CACNG2: variants seen among roughly 807,000 people sequenced by gnomAD.
CACNG2 encodes calcium voltage-gated channel auxiliary subunit gamma 2.
CACNG2 carries 3 observed loss-of-function variants against 25.9 expected under a neutral mutation model. The observed-to-expected ratio is 0.12, with a 90% CI of 0.05 to 0.30. The LOEUF is 0.30. Among genes scored for constraint, CACNG2 ranks in the 10% least tolerant of loss-of-function variants. The pLI, the probability that CACNG2 is intolerant of heterozygous loss-of-function variation, is 1.00. For missense variants in CACNG2, 341 were observed against 432.5 expected (o/e 0.79, Z 1.88); for synonymous variants, 167 against 173.3 (o/e 0.96, Z 0.29).
chr22:36,636,912 A>T (rs933444017), intron 1 of CACNG2, among the ~76,000 whole-genome samples: 1 of 152,240 alleles, frequency 6.6e-6, no homozygotes, highest in Non-Finnish European at 1.5e-5. Context: ...GAATCTGACC[A>T]GTTAAAAGTG....
intron 1 of CACNG2, among the ~76,000 whole-genome samples, chr22:36,610,888 G>C (rs1935930164): frequency 6.6e-6 from 1 of 152,196 alleles, no homozygotes; most frequent in African/African-American, 2.4e-5. Flanking sequence ...AGTGGGCACG[G>C]GGAAGACCCC....
chr22:36,662,569 C>G (rs1936814665), intron 1 of CACNG2, among the ~76,000 whole-genome samples: 1 of 152,204 alleles, frequency 6.6e-6, no homozygotes. Flanking sequence ...TTCTCTGTGC[C>G]TGACTCAGCT....
chr22:36,603,060 A>T (rs1439523553), intron 1 of CACNG2, among the ~76,000 whole-genome samples: 2 of 152,284 alleles, frequency 1.3e-5, no homozygotes, highest in African/African-American at 4.8e-5. Context: ...AGGCCTCTTA[A>T]GTCAAACAGT....
At chr22:36,693,722 G>A (rs1270699645) in intron 1 of CACNG2, among the ~76,000 whole-genome samples, 3 of 152,120 alleles carry the variant, frequency 2.0e-5, no homozygotes, top group Non-Finnish European at 4.4e-5. Context: ...ATGGGCATCT[G>A]TTTCTGCACA....
intron 1 of CACNG2, among the ~76,000 whole-genome samples, chr22:36,678,193 G>T: frequency 6.6e-6 from 1 of 152,296 alleles, no homozygotes; most frequent in Middle Eastern, 3.4e-3. Flanking sequence ...CTTCCCAAAC[G>T]CCAATTTGTG....
chr22:36,581,739 G>T (rs1042284839), intron 2 of CACNG2, among the ~76,000 whole-genome samples: 1 of 152,094 alleles, frequency 6.6e-6, no homozygotes, highest in Non-Finnish European at 1.5e-5. Context: ...CCACTCCCTC[G>T]GTGAGTTCAT....
chr22:36,608,638 G>T (rs1179556185), intron 1 of CACNG2, among the ~76,000 whole-genome samples: 1 of 152,024 alleles, frequency 6.6e-6, no homozygotes, highest in East Asian at 1.9e-4. Context: ...TTTTAATAGG[G>T]ACTCAGGACT....
intron 1 of CACNG2, among the ~76,000 whole-genome samples, chr22:36,631,737 C>CTTTTTATTT (rs1936274924): frequency 8.7e-6 from 1 of 115,390 alleles, no homozygotes. Flanking sequence ...GTGAGCAACT[C>CTTTTTATTT]TTTTTTTTTT....
At position 36,648,346 on chromosome 22, in the gene CACNG2, C is replaced by T. The variant is rs763037403; in HGVS notation, c.211+54020G>A. Among the ~76,000 whole-genome samples the T allele has an allele frequency of 2.6e-5, 4 of 152,228 alleles. No individual in the cohort carries two copies. The South Asian group carries it at 8.3e-4, about 32-fold the overall frequency. On this transcript the variant is annotated intron_variant, in intron 1 of 3. Transcript: ENST00000300105. ...CAGAAAGAGTAATATCGTATACTGC[C>T]AATTCTTTATCAGTGAAATCACCCA...
chr22:36,609,390 A>G, intron 1 of CACNG2, among the ~76,000 whole-genome samples: 1 of 86,688 alleles, frequency 1.2e-5, no homozygotes, highest in Non-Finnish European at 2.5e-5. Flanking sequence ...GGCAGGAATC[A>G]GCCCCCCAGA....
chr22:36,589,532 G>A (rs1265878759), intron 1 of CACNG2, among the ~76,000 whole-genome samples: 1 of 152,172 alleles, frequency 6.6e-6, no homozygotes, highest in African/African-American at 2.4e-5. Context: ...AGGAATCTCT[G>A]TAACTCCCTT....
intron 1 of CACNG2, among the ~76,000 whole-genome samples, chr22:36,694,690 G>T (rs1035375043): frequency 6.6e-6 from 1 of 152,134 alleles, no homozygotes; most frequent in Non-Finnish European, 1.5e-5. Context: ...ATTCTTTAGG[G>T]TCCCCTGCTA....
intron 1 of CACNG2, among the ~76,000 whole-genome samples, chr22:36,587,812 G>A (rs992175660): frequency 7.2e-5 from 11 of 152,218 alleles, no homozygotes; most frequent in Non-Finnish European, 1.0e-4. Flanking sequence ...GAGGATTAGC[G>A]GAGGCTTGGC....
intron 1 of CACNG2, among the ~76,000 whole-genome samples, chr22:36,701,584 C>T (rs1259525660): frequency 6.9e-6 from 1 of 145,388 alleles, no homozygotes; most frequent in Admixed American, 6.9e-5. Context: ...GATTCTCAAG[C>T]CGGCTGCAAT....
At chr22:36,669,508 CAAAAAAAAAAAA>C (rs1157379465) in intron 1 of CACNG2, among the ~76,000 whole-genome samples, 5 of 61,638 alleles carry the variant, frequency 8.1e-5, no homozygotes, top group Admixed American at 2.3e-4. Context: ...ACTCTATCTC[CAAAAAAAAAAAA>C]AAAAAAAAAA....
At chr22:36,643,117 T>C (rs1409100103) in intron 1 of CACNG2, among the ~76,000 whole-genome samples, 1 of 150,782 alleles carries the variant, frequency 6.6e-6, no homozygotes, top group African/African-American at 2.4e-5. Context: ...TTTCCTTCCT[T>C]CTCTTTTTCT....
At chr22:36,618,005 T>C (rs1222624782) in intron 1 of CACNG2, among the ~76,000 whole-genome samples, 1 of 152,102 alleles carries the variant, frequency 6.6e-6, no homozygotes, top group African/African-American at 2.4e-5. Context: ...ATGTGCAGTA[T>C]GATTGTCTGA....
intron 1 of CACNG2, among the ~76,000 whole-genome samples, chr22:36,692,094 G>A (rs1013089526): frequency 6.6e-6 from 1 of 152,194 alleles, no homozygotes; most frequent in African/African-American, 2.4e-5. Context: ...TTGGTCTAGG[G>A]GTCAGCAGTG....
At chr22:36,695,275 A>G (rs1365351724) in intron 1 of CACNG2, among the ~76,000 whole-genome samples, 2 of 152,208 alleles carry the variant, frequency 1.3e-5, no homozygotes, top group African/African-American at 4.8e-5. Context: ...AATCCTTACA[A>G]CAACTATAAA....
Sources: allele counts gnomAD v4.1 joint callset (sites outside exome capture counted in the v4.1 genomes callset), GRCh38; gene constraint gnomAD v4.1.1; transcripts MANE v1.5; gene names NCBI Gene and HGNC (gene_info 2026-07-23, HGNC 2026-07-21).